Variants in DPP6 observed in about 807,000 individuals in gnomAD.
DPP6 encodes A-type potassium channel modulatory protein DPP6.
Under a neutral mutation model 122.6 loss-of-function variants are expected in DPP6, and 69 were observed. That is an observed-to-expected ratio of 0.56 (90% CI 0.46 to 0.69). DPP6 has a LOEUF of 0.69. Among genes scored for constraint, DPP6 ranks in the 30% least tolerant of loss-of-function variants. The pLI is 0.00. For synonymous variants in DPP6, 418 were observed against 433.1 expected (o/e 0.97, Z 0.43); for missense variants, 928 against 1,116.9 (o/e 0.83, Z 2.41).
chr7:154,180,325 G>A (rs1357970884), intron 1 of DPP6, among the ~76,000 whole-genome samples: 1 of 149,664 alleles, frequency 6.7e-6, no homozygotes, highest in East Asian at 1.9e-4. Context: ...TCCAGCCTGG[G>A]CAACAACCCG....
chr7:154,651,233 C>CCATTCTGATT (rs1215940864), intron 6 of DPP6, among the ~76,000 whole-genome samples: 1 of 152,040 alleles, frequency 6.6e-6, no homozygotes, highest in Non-Finnish European at 1.5e-5. Flanking sequence ...GGGAAGGAAA[C>CCATTCTGATT]CATTCTGATT....
intron 1 of DPP6, among the ~76,000 whole-genome samples, chr7:154,312,857 T>G (rs111575910): frequency 6.6e-6 from 1 of 152,228 alleles, no homozygotes; most frequent in African/African-American, 2.4e-5. Flanking sequence ...ATTCAAAGCA[T>G]ATTCCATGTT....
chr7:154,427,536 A>G (rs1283657436), intron 1 of DPP6, among the ~76,000 whole-genome samples: 1 of 152,266 alleles, frequency 6.6e-6, no homozygotes, highest in Non-Finnish European at 1.5e-5. Flanking sequence ...AATATTGCAC[A>G]TGAATCTTAA....
intron 1 of DPP6, among the ~76,000 whole-genome samples, chr7:154,396,888 T>C (rs1815135412): frequency 6.6e-6 from 1 of 152,216 alleles, no homozygotes; most frequent in Non-Finnish European, 1.5e-5. Flanking sequence ...GAGGTTGCAG[T>C]GAGCTGGGAT....
chr7:154,221,081 TC>T (rs1014070127), intron 1 of DPP6, among the ~76,000 whole-genome samples: 5 of 152,264 alleles, frequency 3.3e-5, no homozygotes, highest in African/African-American at 1.2e-4. Flanking sequence ...GGCCTCACCC[TC>T]GTTATTTAAT....
chr7:154,677,792 G>T (rs760246480), intron 7 of DPP6, among the ~76,000 whole-genome samples: 3 of 152,198 alleles, frequency 2.0e-5, no homozygotes, highest in African/African-American at 4.8e-5. Flanking sequence ...ACCCAGCCAG[G>T]CCTGGGATGT....
At chr7:154,811,495 A>G (rs950789656) in intron 16 of DPP6, among the ~76,000 whole-genome samples, 3 of 152,172 alleles carry the variant, frequency 2.0e-5, no homozygotes, top group Non-Finnish European at 2.9e-5. Flanking sequence ...GTCAATGATG[A>G]GGTGGCATTT....
chr7:154,570,978 T>G (rs1831073169), intron 5 of DPP6, among the ~76,000 whole-genome samples: 1 of 152,200 alleles, frequency 6.6e-6, no homozygotes, highest in Non-Finnish European at 1.5e-5. Context: ...GTTTGCAATG[T>G]GTGCTTATTT....
rs1461298648 is a variant in DPP6 at position 154,574,729 on chromosome 7, CGTGTGTGGTGTGTGTAT to C, written c.627+7820_627+7836del. Among the ~76,000 whole-genome samples, 211 of 37,352 alleles carry C rather than the reference CGTGTGTGGTGTGTGTAT, an allele frequency of 5.6e-3. 2 individuals are homozygous for C. The highest frequency in any genetic ancestry group is 5.6e-3 in the Non-Finnish European group (105 of 18,590). The allele number at this position is 37,352 out of a possible 152,430, so 24.5% of individuals were successfully genotyped here. A position where few individuals can be genotyped will look rare whatever the true frequency, so the allele number is the denominator to read the frequency against. On this transcript the variant is annotated intron_variant, in intron 5 of 25. Transcript: ENST00000377770. ...TGTGTGTATGTGTGTGTGGGGTGTA[CGTGTGTGGTGTGTGTAT>C]GTGTGTTGTGTGTGTATATGTGTGT... is the stretch of plus-strand genomic sequence containing the variant.
intron 1 of DPP6, among the ~76,000 whole-genome samples, chr7:154,444,904 A>G (rs1320407238): frequency 6.6e-6 from 1 of 152,242 alleles, no homozygotes; most frequent in Non-Finnish European, 1.5e-5. Context: ...TAAGTTCTAA[A>G]AAGCTACTCT....
chr7:154,090,891 C>A (rs1431804886), intron 1 of DPP6, among the ~76,000 whole-genome samples: 2 of 148,862 alleles, frequency 1.3e-5, no homozygotes, highest in Non-Finnish European at 3.0e-5. Flanking sequence ...GAGGCCGAGG[C>A]GGGCGGATCA....
chr7:154,113,412 T>TATATATATATACACACACACACACAC (rs1472172445), intron 1 of DPP6, among the ~76,000 whole-genome samples: 1 of 141,782 alleles, frequency 7.1e-6, no homozygotes, highest in African/African-American at 2.6e-5. Context: ...TATATATATA[T>TATATATATATACACACACACACACAC]ACACACACAC....
At chr7:154,591,236 A>G (rs1832794362) in intron 5 of DPP6, among the ~76,000 whole-genome samples, 1 of 152,218 alleles carries the variant, frequency 6.6e-6, no homozygotes, top group Admixed American at 6.5e-5. Flanking sequence ...CACCCACAAC[A>G]TATGCCCATG....
At chr7:154,121,413 T>A (rs1585419986) in intron 1 of DPP6, among the ~76,000 whole-genome samples, 1 of 152,202 alleles carries the variant, frequency 6.6e-6, no homozygotes, top group African/African-American at 2.4e-5. Context: ...ACGGCTATAA[T>A]TTTCCTTCCA....
intron 3 of DPP6, among the ~76,000 whole-genome samples, chr7:154,507,496 A>T (rs913084632): frequency 2.6e-5 from 4 of 152,158 alleles, no homozygotes; most frequent in Non-Finnish European, 4.4e-5. Flanking sequence ...TCAAAGTGAG[A>T]TGGAAAATAC....
intron 6 of DPP6, 97 bp downstream of exon 6, chr7:154,637,970 G>T (rs1172931596): frequency 1.5e-6 from 2 of 1,358,262 alleles, no homozygotes; most frequent in Non-Finnish European, 2.0e-6. Flanking sequence ...GCGGGAAATG[G>T]CGTTCCAGTT....
At chr7:153,787,948 G>T in the DPP6 span, among the ~76,000 whole-genome samples, 1 of 151,208 alleles carries the variant, frequency 6.6e-6, no homozygotes, top group Non-Finnish European at 1.5e-5. Flanking sequence ...AGTTGAAGGA[G>T]AAATATATTA....
chr7:154,853,661 G>T, intron 16 of DPP6, 119 bp from the exon 17 acceptor site: 2 of 1,389,044 alleles, frequency 1.4e-6, no homozygotes, highest in Non-Finnish European at 1.9e-6. Flanking sequence ...GCATGAATTC[G>T]GGTTCTCCAG....
chr7:154,397,519 A>T (rs1815194420), intron 1 of DPP6, among the ~76,000 whole-genome samples: 1 of 152,244 alleles, frequency 6.6e-6, no homozygotes, highest in Admixed American at 6.5e-5. Flanking sequence ...ACTATTGAAT[A>T]AAATATTATC....
Sources: gnomAD v4.1 joint callset for allele counts (sites outside exome capture counted in the v4.1 genomes callset) on GRCh38, gnomAD v4.1.1 for gene constraint, MANE v1.5 for transcripts, NCBI Gene and HGNC (gene_info 2026-07-23, HGNC 2026-07-21) for gene names.